The following ATP2A1 variants were observed in gnomAD, a reference collection of about 807,000 sequenced individuals.
The protein encoded by ATP2A1 is ATPase sarcoplasmic/endoplasmic reticulum Ca2+ transporting 1.
ATP2A1 carries 83 observed loss-of-function variants against 109.5 expected under a neutral mutation model. The observed-to-expected ratio is 0.76, with a 90% CI of 0.63 to 0.91. ATP2A1 has a LOEUF of 0.91. ATP2A1 is among the 40% of genes least tolerant of loss of function. ATP2A1 has a pLI of 0.00. For missense variants in ATP2A1, 1,101 were observed against 1,341.0 expected, an observed-to-expected ratio of 0.82 and a Z score of 2.80; for synonymous variants, 505 against 537.6, an observed-to-expected ratio of 0.94 and a Z score of 0.84.
chr16:28,902,885 C>T lies in ATP2A1; in HGVS notation c.2718C>T (p.Thr906=), dbSNP rs1431563694. ...CCATGGCCCTGTCCGTGCTGGTGACCATCGAGATGTGCAATGCACTGAACA... is the reference window on the plus strand; with the variant it reads ...CCATGGCCCTGTCCGTGCTGGTGACTATCGAGATGTGCAATGCACTGAACA... ...PMTMALSVLV[T]IEMCNALNSL... is the part of the protein sequence containing the mutation. Residue 906 remains threonine, a synonymous_variant, in exon 19 of 23, where the codon ACC becomes ACT. Coordinates refer to ENST00000395503, the MANE Select transcript of ATP2A1 (RefSeq NM_004320.6). The surrounding 1 kb of genome is among the most constrained non-coding windows in gnomAD (Gnocchi z 4.8). 1 of 1,614,006 alleles carries T rather than the reference C, an allele frequency of 6.2e-7. No individual in the cohort carries two copies. The highest frequency in any genetic ancestry group is 1.7e-5 in the Admixed American group (1 of 59,996).
At position 28,902,328 on chromosome 16, in the gene ATP2A1, G is replaced by C. The variant is rs1300477106; in HGVS notation, c.2466G>C (p.Arg822=). The C allele has an allele frequency of 6.2e-7, 1 of 1,613,898 alleles. No individual in the cohort carries two copies. Among genetic ancestry groups the C allele is most frequent in the African/African-American group, 1.3e-5 (1 of 74,882 alleles). Residue 822 remains arginine, a synonymous_variant, in exon 17 of 23, where the codon CGG becomes CGC. Transcript: ENST00000395503. The surrounding 1 kb of genome is among the most constrained non-coding windows in gnomAD (Gnocchi z 4.8). ...TGGACATCATGGACCGCCCCCCCCG[G>C]AGCCCCAAGGAGCCCCTCATCAGTG... ...PDLDIMDRPP[R]SPKEPLISGW...
intron 14 of ATP2A1, 83 bp from the exon 15 acceptor site, chr16:28,900,480 ACTTCCTGACCTTTCACCC>A: frequency 4.5e-6 from 2 of 441,948 alleles, no homozygotes; most frequent in Non-Finnish European, 6.9e-6. Flanking sequence ...CCTCCCCACC[ACTTCCTGACCTTTCACCC>A]CATCCCCACC....
In ATP2A1 at chr16:28,900,925, G is replaced by GC; in HGVS notation, c.2100+12dup. 6.2e-7 allele frequency: 1 copy of GC among 1,614,020 alleles called. No homozygotes were observed. Among genetic ancestry groups the GC allele is most frequent in the Non-Finnish European group, 8.5e-7 (1 of 1,179,954 alleles). On this transcript the variant is annotated intron_variant, in intron 15 of 22. Coordinates refer to ENST00000395503, the MANE Select transcript of ATP2A1 (RefSeq NM_004320.6). ...ATGAGATCACAGCCATGGTGAGAGG[G>GC]CCCAGGCAGCTGCAGCCTTAGTGTC...
chr16:28,881,207 C>T (rs1214508073), intron 4 of ATP2A1, among the ~76,000 whole-genome samples, 188 bp downstream of exon 4: 1 of 152,190 alleles, frequency 6.6e-6, no homozygotes, highest in Non-Finnish European at 1.5e-5. Context: ...CACTTCCTGG[C>T]TATGTGACCC....
At position 28,902,312 on chromosome 16, in the gene ATP2A1, T is replaced by G. The variant is rs1964101108; in HGVS notation, c.2450T>G (p.Met817Arg). ...LGFNPPDLDI[M>R]DRPPRSPKEP... is the part of the protein sequence containing the mutation. The stretch of plus-strand genomic sequence containing the variant: ...TTCAACCCACCAGACCTGGACATCA[T>G]GGACCGCCCCCCCCGGAGCCCCAAG... Residue 817 changes from methionine (M) to arginine (R), a missense_variant, in exon 17 of 23, where the codon ATG becomes AGG. Coordinates refer to ENST00000395503, the MANE Select transcript of ATP2A1 (RefSeq NM_004320.6). The surrounding 1 kb of genome is among the most constrained non-coding windows in gnomAD (Gnocchi z 4.8). 6.2e-7 allele frequency: 1 copy of G among 1,614,058 alleles called. No individual in the cohort carries two copies. Among genetic ancestry groups the G allele is most frequent in the Non-Finnish European group, 8.5e-7 (1 of 1,179,986 alleles).
chr16:28,880,457 C>G lies in ATP2A1; in HGVS notation c.220-458C>G, dbSNP rs376893735. Among the ~76,000 whole-genome samples, 1 of 152,238 alleles carries G rather than the reference C, an allele frequency of 6.6e-6. No individual in the cohort carries two copies. The highest frequency in any genetic ancestry group is 2.4e-5 in the African/African-American group (1 of 41,470). Reference sequence around the variant, plus strand: ...GGGGCGGGGCGCGCGCAGGAGGCCCCGTAACCCTATCCCCGCTCCGGCTCC... The same window carrying G: ...GGGGCGGGGCGCGCGCAGGAGGCCCGGTAACCCTATCCCCGCTCCGGCTCC... On this transcript the variant is annotated intron_variant, in intron 3 of 22. Coordinates refer to ENST00000395503, the MANE Select transcript of ATP2A1 (RefSeq NM_004320.6). The surrounding 1 kb of genome is among the most constrained non-coding windows in gnomAD (Gnocchi z 4.2).
In ATP2A1 at chr16:28,900,834, C is replaced by A. The variant is rs1383465116; in HGVS notation, c.2018C>A (p.Ala673Asp). The A allele has an allele frequency of 6.2e-7, 1 of 1,614,178 alleles. No homozygotes were observed. Among genetic ancestry groups the A allele is most frequent in the Non-Finnish European group, 8.5e-7 (1 of 1,180,046 alleles). ...LAEQREACRRACCFARVEPSH... is the reference protein window; with the variant it reads ...LAEQREACRRDCCFARVEPSH... ...GAACAGCGGGAAGCCTGCCGACGTG[C>A]CTGCTGCTTCGCCCGTGTGGAGCCC... Residue 673 changes from alanine (A) to aspartate (D), a missense_variant, in exon 15 of 23, where the codon GCC becomes GAC. Coordinates refer to ENST00000395503, the MANE Select transcript of ATP2A1 (RefSeq NM_004320.6).
chr16:28,903,226 G>A lies in ATP2A1; in HGVS notation c.2862+79G>A. 1 of 1,580,456 alleles carries A rather than the reference G, an allele frequency of 6.3e-7. No homozygotes were observed. The highest frequency in any genetic ancestry group is 8.7e-7 in the Non-Finnish European group (1 of 1,150,828). On this transcript the variant is annotated intron_variant, in intron 20 of 22. Coordinates refer to ENST00000395503, the MANE Select transcript of ATP2A1 (RefSeq NM_004320.6). This position sits in a 1 kb window ranked among gnomAD's most constrained non-coding sequence, Gnocchi z 5.6. ...GGGCCCATGACCACTCCCACCAGGGGCGCCGATGTGGGAGGCTGGTGGGAG... is the reference window on the plus strand; with the variant it reads ...GGGCCCATGACCACTCCCACCAGGGACGCCGATGTGGGAGGCTGGTGGGAG...
At chr16:28,901,618 G>A (rs1031874595) in intron 15 of ATP2A1, among the ~76,000 whole-genome samples, 3 of 151,970 alleles carry the variant, frequency 2.0e-5, no homozygotes, top group African/African-American at 7.3e-5. Flanking sequence ...GGGCGACAGA[G>A]TGAGACTCCG....
rs747872347 is a variant in ATP2A1, at chr16:28,904,162, TTC to T, written c.*38-14_*38-13del. The T allele has an allele frequency of 8.7e-6, 14 of 1,606,062 alleles. No homozygotes were observed. The highest frequency in any genetic ancestry group is 1.2e-5 in the Non-Finnish European group (14 of 1,173,174). On this transcript the variant is annotated splice_polypyrimidine_tract_variant and intron_variant, in intron 22 of 22. Transcript: ENST00000395503. ...GCCCTCCTGCCGCCTGCCTCATCCCTTCTCTTTCCCCTTCCAGATCCAGAAGA... is the reference window on the plus strand; with the variant it reads ...GCCCTCCTGCCGCCTGCCTCATCCCTTCTTTCCCCTTCCAGATCCAGAAGA...
Position 28,881,023 on chromosome 16 carries a change from A to G in ATP2A1, c.324+4A>G. On this transcript the variant is annotated splice_donor_region_variant and intron_variant, in intron 4 of 22. Transcript: ENST00000395503. ...TGCCATCGTGGGGGTTTGGCAGGTT[A>G]GCGTTGACCCTTCCTTACCCCTTCA... 1 of 1,613,150 alleles carries G rather than the reference A, an allele frequency of 6.2e-7. No individual in the cohort carries two copies. Among genetic ancestry groups the G allele is most frequent in the Non-Finnish European group, 8.5e-7 (1 of 1,179,110 alleles).
intron 5 of ATP2A1, 76 bp from the exon 6 acceptor site, chr16:28,884,499 C>T: frequency 1.4e-6 from 2 of 1,381,236 alleles, no homozygotes; most frequent in African/African-American, 1.4e-5. Context: ...ACGAGTCAGA[C>T]ACAGATTGGG....
In ATP2A1 at chr16:28,903,075, C is replaced by A. The variant is rs770357990; in HGVS notation, c.2790C>A (p.Asn930Lys). Residue 930 changes from asparagine (N) to lysine (K), a missense_variant, in exon 20 of 23, where the codon AAC becomes AAA. Coordinates refer to ENST00000395503, the MANE Select transcript of ATP2A1 (RefSeq NM_004320.6). The surrounding 1 kb of genome is among the most constrained non-coding windows in gnomAD (Gnocchi z 5.6). ...QSLLRMPPWV[N>K]IWLLGSICLS... ...TGCTGCGGATGCCACCCTGGGTGAA[C>A]ATCTGGCTGCTGGGCTCCATCTGCC... 6.2e-7 allele frequency: 1 copy of A among 1,613,854 alleles called. No individual in the cohort carries two copies. Among genetic ancestry groups the A allele is most frequent in the Non-Finnish European group, 8.5e-7 (1 of 1,179,994 alleles).
rs199741284 is a variant in ATP2A1 at position 28,879,150 on chromosome 16, G to A, written c.136+34G>A. The A allele has an allele frequency of 1.1e-5, 17 of 1,613,252 alleles. No individual in the cohort carries two copies. In the East Asian group the frequency reaches 3.6e-4, roughly 34 times the overall value. On this transcript the variant is annotated intron_variant, in intron 2 of 22. Coordinates refer to ENST00000395503, the MANE Select transcript of ATP2A1 (RefSeq NM_004320.6). Reference sequence around the variant, plus strand: ...CTGGAATCCCTGAACTCTCATAAATGACCACCCCCCACCCCGCCCTGTCCC... The same window carrying A: ...CTGGAATCCCTGAACTCTCATAAATAACCACCCCCCACCCCGCCCTGTCCC...
chr16:28,893,784 G>C (rs1346131293), intron 9 of ATP2A1, among the ~76,000 whole-genome samples: 1 of 151,692 alleles, frequency 6.6e-6, no homozygotes, highest in African/African-American at 2.4e-5. Flanking sequence ...AGAGTAGCTG[G>C]GATTACAGGC....
intron 14 of ATP2A1, among the ~76,000 whole-genome samples, chr16:28,899,024 G>C (rs1157969657): frequency 6.6e-6 from 1 of 152,074 alleles, no homozygotes; most frequent in African/African-American, 2.4e-5. Context: ...ACACAAAAGA[G>C]AGAAAGAATG....
Position 28,902,669 on chromosome 16 carries a change from G to A in ATP2A1, c.2610+4G>A. The A allele has an allele frequency of 6.2e-7, 1 of 1,614,070 alleles. No homozygotes were observed. Among genetic ancestry groups the A allele is most frequent in the Non-Finnish European group, 8.5e-7 (1 of 1,179,972 alleles). ...TCATGTCAACTACAGCCAGCTGGTA[G>A]GGGGAGGCCACAAAGGAGGGGACCA... On this transcript the variant is annotated splice_donor_region_variant and intron_variant, in intron 18 of 22. Transcript: ENST00000395503. The surrounding 1 kb of genome is among the most constrained non-coding windows in gnomAD (Gnocchi z 4.8).
rs200428113 is a variant in ATP2A1 at position 28,878,780 on chromosome 16, G to A, written c.109G>A (p.Gly37Ser). Residue 37 changes from glycine to serine, a missense_variant, in exon 1 of 23, where the codon GGC becomes AGC. Transcript: ENST00000395503. The part of the protein sequence containing the change: ...DQVKRNLEKY[G>S]LNELPAEEGK... ...AGTTAAGCGGAATCTGGAGAAATAC[G>A]GCCTCAATGGTAAGTGTCCCTTGGA... 1.4e-4 allele frequency: 226 copies of A among 1,613,954 alleles called. No homozygotes were observed. The highest frequency in any genetic ancestry group is 1.8e-4 in the Non-Finnish European group (212 of 1,179,898).
At chr16:28,893,221 CAAAAAAA>C (rs796830433) in intron 9 of ATP2A1, among the ~76,000 whole-genome samples, 1 of 112,706 alleles carries the variant, frequency 8.9e-6, no homozygotes, top group African/African-American at 3.1e-5. Flanking sequence ...CAATTTCTAC[CAAAAAAA>C]AAAAAAAAGA....
Sources: gnomAD v4.1 joint callset for allele counts (sites outside exome capture counted in the v4.1 genomes callset) on GRCh38, gnomAD v4.1.1 for gene constraint, Gnocchi (gnomAD v3.1) non-coding constraint, MANE v1.5 for transcripts, NCBI Gene and HGNC (gene_info 2026-07-23, HGNC 2026-07-21) for gene names.